The following NDST4 variants were observed in gnomAD, a reference collection of about 807,000 sequenced individuals.
NDST4 encodes N-deacetylase and N-sulfotransferase 4, also known as N-heparan sulfate sulfotransferase 4.
NDST4 carries 63 observed loss-of-function variants against 100.8 expected under a neutral mutation model. That is an observed-to-expected ratio of 0.62 (90% CI 0.51 to 0.77). The LOEUF (loss-of-function observed/expected upper bound fraction) is 0.77. Among genes scored for constraint, NDST4 ranks in the 30% least tolerant of loss-of-function variants. The pLI, the probability that NDST4 is intolerant of heterozygous loss-of-function variation, is 0.00. For missense variants in NDST4, 943 were observed against 1,018.4 expected, an observed-to-expected ratio of 0.93 and a Z score of 1.01; for synonymous variants, 377 against 361.8, an observed-to-expected ratio of 1.04 and a Z score of -0.48.
intron 2 of NDST4, among the ~76,000 whole-genome samples, chr4:115,044,365 G>A (rs1728419876): frequency 6.6e-6 from 1 of 152,082 alleles, no homozygotes; most frequent in African/African-American, 2.4e-5. Context: ...TAAGCAGAGG[G>A]CAATAAGGAA....
chr4:114,847,209 T>C lies in NDST4; in HGVS notation c.1940+1006A>G, dbSNP rs925698500. Among the ~76,000 whole-genome samples the C allele has an allele frequency of 2.1e-5, 3 of 140,976 alleles. 1 individual carries two copies. The highest frequency in any genetic ancestry group is 9.1e-5 in the African/African-American group (3 of 33,074). 92.5% of individuals were successfully genotyped at this position (140,976 alleles called of 152,430 possible). On this transcript the variant is annotated intron_variant, in intron 9 of 13. Coordinates refer to ENST00000264363, the MANE Select transcript of NDST4 (RefSeq NM_022569.3). ...GGCTAAAACGGTGAAACCCCGTCTCTACTGAAAATACAAAAAATTAGCCGG... is the reference window on the plus strand; with the variant it reads ...GGCTAAAACGGTGAAACCCCGTCTCCACTGAAAATACAAAAAATTAGCCGG...
chr4:114,968,816 G>T (rs1216748460), intron 4 of NDST4, among the ~76,000 whole-genome samples: 4 of 152,102 alleles, frequency 2.6e-5, no homozygotes, highest in Admixed American at 6.6e-5. Context: ...TGGCTTAAAG[G>T]TCACAATTTT....
In NDST4 at chr4:115,006,165, A is replaced by G. The variant is rs184698569; in HGVS notation, c.979-28891T>C. ...TATATGTAAAGCCTGGAAAGACAACACAAAACATACATTCAGGAAATGGCT... is the reference window on the plus strand; with the variant it reads ...TATATGTAAAGCCTGGAAAGACAACGCAAAACATACATTCAGGAAATGGCT... On this transcript the variant is annotated intron_variant, in intron 2 of 13. Transcript: ENST00000264363. Among the ~76,000 whole-genome samples the G allele has an allele frequency of 1.6e-3, 251 of 152,230 alleles. 2 individuals are homozygous for G. Among genetic ancestry groups the G allele is most frequent in the African/African-American group, 5.8e-3 (241 of 41,590 alleles).
intron 1 of NDST4, among the ~76,000 whole-genome samples, chr4:115,106,999 A>T (rs1022212828): frequency 2.4e-4 from 36 of 151,972 alleles, no homozygotes; most frequent in African/African-American, 8.5e-4. Context: ...AAAAAATATG[A>T]ATAATAAAAT....
At chr4:114,983,443 T>G (rs1225834702) in intron 2 of NDST4, among the ~76,000 whole-genome samples, 8 of 152,216 alleles carry the variant, frequency 5.3e-5, no homozygotes, top group Admixed American at 5.2e-4. Context: ...TTGGAGTTTT[T>G]AGATTTAATG....
intron 1 of NDST4, among the ~76,000 whole-genome samples, chr4:115,112,159 G>T (rs867727830): frequency 3.4e-5 from 5 of 148,618 alleles, no homozygotes; most frequent in African/African-American, 1.2e-4. Flanking sequence ...TAGCTAACTG[G>T]CATACTTTTA....
At chr4:114,982,262 G>A (rs550013138) in intron 2 of NDST4, among the ~76,000 whole-genome samples, 7 of 152,306 alleles carry the variant, frequency 4.6e-5, no homozygotes, top group African/African-American at 1.7e-4. Context: ...TGTGGGAAAG[G>A]TTGGAACTTC....
At chr4:115,003,468 C>T (rs565415615) in intron 2 of NDST4, among the ~76,000 whole-genome samples, 25 of 152,140 alleles carry the variant, frequency 1.6e-4, no homozygotes, top group African/African-American at 4.3e-4. Flanking sequence ...GATTTTATGT[C>T]GCCTTTACCT....
intron 1 of NDST4, among the ~76,000 whole-genome samples, chr4:115,100,599 T>C (rs1406815860): frequency 1.3e-5 from 2 of 152,092 alleles, no homozygotes; most frequent in Non-Finnish European, 2.9e-5. Context: ...AGAAGCACAG[T>C]TTAAGAGCCA....
intron 6 of NDST4, among the ~76,000 whole-genome samples, chr4:114,887,130 C>T (rs1171517553): frequency 6.6e-6 from 1 of 152,022 alleles, no homozygotes; most frequent in Non-Finnish European, 1.5e-5. Context: ...CCTCAATGTG[C>T]TAAAGATTTA....
intron 4 of NDST4, among the ~76,000 whole-genome samples, chr4:114,956,926 C>T (rs776929943): frequency 6.6e-6 from 1 of 151,956 alleles, no homozygotes; most frequent in Non-Finnish European, 1.5e-5. Flanking sequence ...TGTAATTCAT[C>T]CACAGGAAAA....
chr4:114,828,836 A>G (rs377564259), intron 13 of NDST4, among the ~76,000 whole-genome samples: 4 of 152,248 alleles, frequency 2.6e-5, no homozygotes, highest in East Asian at 3.9e-4. Flanking sequence ...ATGGTCTTTT[A>G]CCACATAAAA....
intron 9 of NDST4, among the ~76,000 whole-genome samples, chr4:114,847,680 A>G (rs995652612): frequency 3.3e-5 from 5 of 152,138 alleles, no homozygotes; most frequent in Non-Finnish European, 7.4e-5. Context: ...ATAATTTATC[A>G]TGTGTTACTT....
intron 2 of NDST4, among the ~76,000 whole-genome samples, chr4:115,030,261 A>G (rs920311962): frequency 4.6e-5 from 7 of 152,160 alleles, no homozygotes; most frequent in African/African-American, 9.6e-5. Flanking sequence ...TCTAACACAA[A>G]TTACAACATA....
intron 2 of NDST4, among the ~76,000 whole-genome samples, chr4:114,997,183 C>T (rs929772055): frequency 1.3e-5 from 2 of 152,042 alleles, no homozygotes; most frequent in African/African-American, 4.8e-5. Context: ...TTTTCACTTC[C>T]ACCAAAGCCC....
At chr4:114,911,700 G>A (rs967982074) in intron 6 of NDST4, among the ~76,000 whole-genome samples, 21 of 152,158 alleles carry the variant, frequency 1.4e-4, no homozygotes, top group African/African-American at 4.3e-4. Flanking sequence ...TGAAAATATC[G>A]CGGGTATTGG....
At chr4:115,004,742 T>C (rs534737683) in intron 2 of NDST4, among the ~76,000 whole-genome samples, 3 of 152,282 alleles carry the variant, frequency 2.0e-5, no homozygotes, top group African/African-American at 7.2e-5. Flanking sequence ...ACATGTATGG[T>C]GTTTCTTTAG....
intron 4 of NDST4, among the ~76,000 whole-genome samples, chr4:114,941,421 T>C (rs776303162): frequency 6.6e-6 from 1 of 151,920 alleles, no homozygotes; most frequent in Non-Finnish European, 1.5e-5. Flanking sequence ...CTGGATCTCC[T>C]GTTCACTTTT....
At chr4:114,976,767 T>A (rs369905289) in intron 3 of NDST4, among the ~76,000 whole-genome samples, 12 of 152,088 alleles carry the variant, frequency 7.9e-5, no homozygotes, top group African/African-American at 2.9e-4. Flanking sequence ...TTTCTCTCTA[T>A]CATCAGATGT....
Sources: allele counts gnomAD v4.1 joint callset (sites outside exome capture counted in the v4.1 genomes callset), GRCh38; gene constraint gnomAD v4.1.1; transcripts MANE v1.5; gene names NCBI Gene and HGNC (gene_info 2026-07-23, HGNC 2026-07-21).